The following TMEM51 variants were observed in gnomAD, a reference collection of about 807,000 sequenced individuals.
TMEM51 encodes the protein transmembrane protein 51.
Under a neutral mutation model 13.6 loss-of-function variants are expected in TMEM51, and 8 were observed. That is an observed-to-expected ratio of 0.59 (90% CI 0.35 to 1.07). TMEM51 has a LOEUF of 1.07. Ranked by LOEUF, TMEM51 falls within the 50% of genes least tolerant of loss-of-function variation. TMEM51 has a pLI of 0.02. For synonymous variants in TMEM51, 147 were observed against 144.4 expected, an observed-to-expected ratio of 1.02 and a Z score of -0.13; for missense variants, 279 against 330.7, an observed-to-expected ratio of 0.84 and a Z score of 1.21.
intron 1 of TMEM51, among the ~76,000 whole-genome samples, chr1:15,183,256 T>C (rs904542237): frequency 4.6e-5 from 7 of 152,256 alleles, no homozygotes; most frequent in Non-Finnish European, 8.8e-5. Context: ...CTTTATTTTA[T>C]AGAAGCATTC....
intron 3 of TMEM51, 32 bp from the exon 4 acceptor site, chr1:15,219,294 A>G (rs752224946): frequency 7.1e-6 from 11 of 1,547,456 alleles, no homozygotes; most frequent in Non-Finnish European, 7.9e-6. Flanking sequence ...AGCACAGGCT[A>G]ACACTCTCCC....
Position 15,219,456 on chromosome 1 carries a change from C to T in TMEM51, c.475C>T (p.Pro159Ser), listed in dbSNP as rs139217244. Residue 159 changes from proline (P) to serine (S), a missense_variant, in exon 4 of 4, where the codon CCG becomes TCG. Pro to Ser is a moderately conservative substitution (Grantham distance 74, BLOSUM62 -1). Coordinates refer to ENST00000376008, the MANE Select transcript of TMEM51 (RefSeq NM_001136218.2). Reference protein sequence around the residue: ...EQNPRLSISLPSYESLTGLDE... With the variant: ...EQNPRLSISLSSYESLTGLDE... ...GAACCCGAGGTTGAGCATCTCTCTC[C>T]CGTCCTATGAGTCACTGACGGGGCT... The T allele has an allele frequency of 1.2e-4, 194 of 1,614,026 alleles. No individual in the cohort carries two copies. Among genetic ancestry groups the T allele is most frequent in the Non-Finnish European group, 1.4e-4 (169 of 1,180,044 alleles).
At position 15,207,601 on chromosome 1, in the gene TMEM51, C is replaced by T. The variant is rs559492988; in HGVS notation, c.-266-2889C>T. On this transcript the variant is annotated intron_variant, in intron 1 of 3. Transcript: ENST00000376008. This position sits in a 1 kb window ranked among gnomAD's most constrained non-coding sequence, Gnocchi z 4.6. ...TGGGTCTACCTCCCTGGCCCCGACTCCTCCACACCCACTGCACAGCCCCTC... is the reference window on the plus strand; with the variant it reads ...TGGGTCTACCTCCCTGGCCCCGACTTCTCCACACCCACTGCACAGCCCCTC... Among the ~76,000 whole-genome samples the T allele has an allele frequency of 6.6e-6, 1 of 152,320 alleles. No individual in the cohort carries two copies. The highest frequency in any genetic ancestry group is 2.1e-4 in the South Asian group (1 of 4,824).
At chr1:15,209,377 G>C (rs915980276) in intron 1 of TMEM51, among the ~76,000 whole-genome samples, 1 of 152,082 alleles carries the variant, frequency 6.6e-6, no homozygotes, top group Non-Finnish European at 1.5e-5. Context: ...CATTACAGGT[G>C]TGAGCTACTG....
Position 15,216,741 on chromosome 1 carries a change from C to T in TMEM51, c.344+1310C>T, listed in dbSNP as rs140280878. Among the ~76,000 whole-genome samples the T allele has an allele frequency of 1.4e-4, 22 of 152,258 alleles. No individual in the cohort carries two copies. In the East Asian group the frequency reaches 2.7e-3, roughly 19 times the overall value. On this transcript the variant is annotated intron_variant, in intron 3 of 3. Coordinates refer to ENST00000376008, the MANE Select transcript of TMEM51 (RefSeq NM_001136218.2). ...AAAAACCACCTACTGAGTTAAATGA[C>T]GTACCTATTCAATGGAGTTCTATGC... is the stretch of plus-strand genomic sequence containing the variant.
intron 1 of TMEM51, among the ~76,000 whole-genome samples, chr1:15,154,235 C>T (rs1642507675): frequency 6.6e-6 from 1 of 152,186 alleles, no homozygotes; most frequent in African/African-American, 2.4e-5. Context: ...CCCCTGTTGG[C>T]GGGAACAGGT....
At chr1:15,162,719 A>G (rs1642825628) in intron 1 of TMEM51, among the ~76,000 whole-genome samples, 1 of 152,078 alleles carries the variant, frequency 6.6e-6, no homozygotes, top group African/African-American at 2.4e-5. Context: ...ATGCTGCAAC[A>G]TGGACGAACC....
chr1:15,164,494 A>T, intron 1 of TMEM51: 1 of 456,080 alleles, frequency 2.2e-6, no homozygotes, highest in South Asian at 1.5e-5. Flanking sequence ...TCACTGAATC[A>T]TGTTAGGATG....
intron 2 of TMEM51, among the ~76,000 whole-genome samples, chr1:15,211,279 A>C (rs904185269): frequency 6.6e-6 from 1 of 152,130 alleles, no homozygotes; most frequent in African/African-American, 2.4e-5. Context: ...ATTTAATGCC[A>C]AGGATGCCCT....
intron 1 of TMEM51, among the ~76,000 whole-genome samples, chr1:15,162,910 T>C (rs1331092551): frequency 2.6e-5 from 4 of 151,980 alleles, no homozygotes; most frequent in Non-Finnish European, 4.4e-5. Flanking sequence ...TTTTGTAAAA[T>C]GAAAGCGTTC....
At chr1:15,192,470 T>TTTTTTTTTTTTTTTTTTTTTTTTTTTA (rs3078880) in intron 1 of TMEM51, 31 of 250,806 alleles carry the variant, frequency 1.2e-4, no homozygotes, top group South Asian at 2.3e-4. Context: ...CCTTTTTTTT[T>TTTTTTTTTTTTTTTTTTTTTTTTTTTA]ATGACAGAAT....
Position 15,219,538 on chromosome 1 carries a change from C to A in TMEM51, c.557C>A (p.Pro186His), listed in dbSNP as rs752897831. Residue 186 changes from proline to histidine, a missense_variant, in exon 4 of 4, where the codon CCC becomes CAC. Coordinates refer to ENST00000376008, the MANE Select transcript of TMEM51 (RefSeq NM_001136218.2). ...RADVEASPGN[P>H]PDRQNSKLAK... is the part of the protein sequence containing the mutation. ...GACGTGGAGGCCAGCCCTGGGAACC[C>A]CCCTGACAGGCAGAACTCTAAGTTG... The A allele has an allele frequency of 5.0e-6, 8 of 1,614,112 alleles. No individual in the cohort carries two copies. The South Asian group carries it at 8.8e-5, about 18-fold the overall frequency.
chr1:15,195,964 C>T (rs900539811), intron 1 of TMEM51, among the ~76,000 whole-genome samples: 10 of 152,198 alleles, frequency 6.6e-5, no homozygotes, highest in African/African-American at 2.4e-4. Flanking sequence ...CCTGCAACTC[C>T]GTGGCTTACT....
At chr1:15,170,648 A>G (rs1377163650) in intron 1 of TMEM51, among the ~76,000 whole-genome samples, 1 of 152,138 alleles carries the variant, frequency 6.6e-6, no homozygotes, top group African/African-American at 2.4e-5. Flanking sequence ...ATTCTGGGAC[A>G]TTAAGCACAT....
chr1:15,214,762 A>C (rs1644396956), intron 2 of TMEM51, 133 bp from the exon 3 acceptor site: 1 of 293,916 alleles, frequency 3.4e-6, no homozygotes, highest in Non-Finnish European at 6.4e-6. Flanking sequence ...GGAATGCATC[A>C]AAGGCGAGGC....
At chr1:15,163,640 T>TTTTTTTTTTTTTG (rs1553197697) in intron 1 of TMEM51, among the ~76,000 whole-genome samples, 1 of 150,360 alleles carries the variant, frequency 6.7e-6, no homozygotes, top group Non-Finnish European at 1.5e-5. Flanking sequence ...TTATTTTTTG[T>TTTTTTTTTTTTTG]AATAATAGCA....
At chr1:15,172,519 GAA>G (rs1643319357) in intron 1 of TMEM51, among the ~76,000 whole-genome samples, 1 of 151,828 alleles carries the variant, frequency 6.6e-6, no homozygotes, top group Non-Finnish European at 1.5e-5. Flanking sequence ...AGAGACAGAA[GAA>G]AAAGGAAAAG....
At chr1:15,196,989 G>A (rs565072819) in intron 1 of TMEM51, among the ~76,000 whole-genome samples, 6 of 152,138 alleles carry the variant, frequency 3.9e-5, no homozygotes, top group East Asian at 1.9e-4. Flanking sequence ...CAGACACAGC[G>A]GGATCCAGGT....
intron 1 of TMEM51, among the ~76,000 whole-genome samples, chr1:15,193,209 C>T (rs1007850639): frequency 1.3e-5 from 2 of 152,224 alleles, no homozygotes; most frequent in Non-Finnish European, 2.9e-5. Flanking sequence ...TCCAGGTGAC[C>T]CATGGAGGTA....
Sources: allele counts gnomAD v4.1 joint callset (sites outside exome capture counted in the v4.1 genomes callset), GRCh38; gene constraint gnomAD v4.1.1; non-coding constraint Gnocchi (gnomAD v3.1); transcripts MANE v1.5; gene names NCBI Gene and HGNC (gene_info 2026-07-23, HGNC 2026-07-21).